The following SIMC1 variants were observed in gnomAD, a reference collection of about 807,000 sequenced individuals.
The protein encoded by SIMC1 is SUMO interacting motifs containing 1, also known as SUMO-interacting motif-containing protein 1.
Under a neutral mutation model 82.3 loss-of-function variants are expected in SIMC1, and 55 were observed. The observed-to-expected ratio is 0.67, with a 90% CI of 0.54 to 0.84. The LOEUF is 0.84. SIMC1 is among the 40% of genes least tolerant of loss of function. The probability of loss-of-function intolerance (pLI) is 0.00; values close to 1 mark genes in which losing one functional copy is unlikely to be tolerated. For missense variants in SIMC1, 915 were observed against 1,107.2 expected, an observed-to-expected ratio of 0.83 and a Z score of 2.46; for synonymous variants, 353 against 426.3, an observed-to-expected ratio of 0.83 and a Z score of 2.12.
chr5:176,310,121 T>C (rs1011932781), intron 4 of SIMC1, among the ~76,000 whole-genome samples: 1 of 152,202 alleles, frequency 6.6e-6, no homozygotes, highest in Non-Finnish European at 1.5e-5. Flanking sequence ...GACTTACTTA[T>C]CTGAATGGCT....
At chr5:176,326,364 T>C (rs1765392314) in intron 7 of SIMC1, among the ~76,000 whole-genome samples, 3 of 152,048 alleles carry the variant, frequency 2.0e-5, no homozygotes, top group Admixed American at 2.0e-4. Flanking sequence ...GTCACATTAA[T>C]TATCTCATTT....
At chr5:176,323,287 T>TACAG (rs1280161686) in intron 6 of SIMC1, among the ~76,000 whole-genome samples, 4 of 152,146 alleles carry the variant, frequency 2.6e-5, no homozygotes, top group African/African-American at 9.7e-5. Flanking sequence ...ACGGGCCACA[T>TACAG]ACAGACCCAA....
At chr5:176,303,466 C>T (rs536401692) in intron 4 of SIMC1, among the ~76,000 whole-genome samples, 91 of 152,050 alleles carry the variant, frequency 6.0e-4, no homozygotes, top group African/African-American at 2.2e-3. Flanking sequence ...GTATTACAGG[C>T]ATGCGCCACC....
At chr5:176,261,592 C>T (rs1246907392) in intron 1 of SIMC1, among the ~76,000 whole-genome samples, 1 of 151,620 alleles carries the variant, frequency 6.6e-6, no homozygotes. Flanking sequence ...ACTAAAAATA[C>T]AAAAAATTAG....
At chr5:176,284,053 T>G (rs931963472) in intron 1 of SIMC1, among the ~76,000 whole-genome samples, 1 of 152,148 alleles carries the variant, frequency 6.6e-6, no homozygotes, top group African/African-American at 2.4e-5. Flanking sequence ...CAAAGAGACT[T>G]AGACTCCCAC....
Position 176,290,692 on chromosome 5 carries a change from C to T in SIMC1, c.1168C>T (p.Leu390=), listed in dbSNP as rs752233825. 6.2e-7 allele frequency: 1 copy of T among 1,610,364 alleles called. No individual in the cohort carries two copies. The highest frequency in any genetic ancestry group is 1.7e-5 in the Admixed American group (1 of 59,766). ...NRDMPMDISA[L]SSPSCSPSPQ... Reference sequence around the variant, plus strand: ...TGACATGCCTATGGATATCTCAGCTCTGTCCTCTCCAAGCTGCTCTCCCAG... The same window carrying T: ...TGACATGCCTATGGATATCTCAGCTTTGTCCTCTCCAAGCTGCTCTCCCAG... The change falls in exon 2 of 10, where the codon CTG becomes TTG. Residue 390 remains leucine, a synonymous_variant. Coordinates refer to ENST00000429602, the MANE Select transcript of SIMC1 (RefSeq NM_001308195.2).
At chr5:176,296,194 C>A in intron 3 of SIMC1, 57 bp from the exon 4 acceptor site, 1 of 1,596,830 alleles carries the variant, frequency 6.3e-7, no homozygotes. Flanking sequence ...CCTTCAGATC[C>A]TATCCCTTCT....
rs1179550794 is a variant in SIMC1, at chr5:176,248,189, T to A, written c.129+9552T>A. ...GGGGATAGCATTGAATCTATAAATT[T>A]CTTTGGGCAGTATGGCCATTTTCAT... On this transcript the variant is annotated intron_variant, in intron 1 of 9. Transcript: ENST00000429602. Among the ~76,000 whole-genome samples the A allele has an allele frequency of 2.6e-5, 4 of 152,186 alleles. No homozygotes were observed. The South Asian group carries it at 6.2e-4, about 24-fold the overall frequency.
At chr5:176,325,594 G>A (rs192621061) in intron 7 of SIMC1, among the ~76,000 whole-genome samples, 189 of 151,386 alleles carry the variant, frequency 1.2e-3, no homozygotes, top group African/African-American at 4.5e-3. Flanking sequence ...GCTGAGGCAG[G>A]AGAATGGTGT....
At chr5:176,243,061 A>C (rs992187598) in intron 1 of SIMC1, among the ~76,000 whole-genome samples, 2 of 151,958 alleles carry the variant, frequency 1.3e-5, no homozygotes, top group African/African-American at 4.8e-5. Flanking sequence ...ATATGCTGTA[A>C]CCCTGGGGAC....
chr5:176,294,435 C>T lies in SIMC1; in HGVS notation c.1432-595C>T, dbSNP rs375603533. Among the ~76,000 whole-genome samples the T allele has an allele frequency of 5.1e-4, 77 of 152,176 alleles. No homozygotes were observed. The South Asian group carries it at 7.9e-3, about 16-fold the overall frequency. On this transcript the variant is annotated intron_variant, in intron 2 of 9. Transcript: ENST00000429602. ...CTGGGACTACAGTTGCGTGCCACCA[C>T]GTCTGGCTAATTTTTATATTTTTAG...
At chr5:176,274,356 G>A (rs1406108332) in intron 1 of SIMC1, among the ~76,000 whole-genome samples, 1 of 150,412 alleles carries the variant, frequency 6.6e-6, no homozygotes, top group Non-Finnish European at 1.5e-5. Context: ...GGGGTTGTTT[G>A]TTTTTTTCTT....
chr5:176,319,503 A>G (rs1765065116), intron 5 of SIMC1, among the ~76,000 whole-genome samples: 1 of 152,078 alleles, frequency 6.6e-6, no homozygotes, highest in Non-Finnish European at 1.5e-5. Context: ...TCCAGCCTGG[A>G]CAACGGAGCA....
intron 5 of SIMC1, among the ~76,000 whole-genome samples, chr5:176,317,203 CTT>C (rs1764952653): frequency 6.6e-6 from 1 of 152,132 alleles, no homozygotes; most frequent in Non-Finnish European, 1.5e-5. Context: ...TCAAACAAAA[CTT>C]TGACAATTTA....
At chr5:176,259,583 G>A (rs1170385062) in intron 1 of SIMC1, among the ~76,000 whole-genome samples, 2 of 152,240 alleles carry the variant, frequency 1.3e-5, no homozygotes, top group Admixed American at 1.3e-4. Context: ...GACCAGCCTG[G>A]CCAACATGGC....
At position 176,274,823 on chromosome 5, in the gene SIMC1, C is replaced by T. The variant is rs543837505; in HGVS notation, c.130-14831C>T. Among the ~76,000 whole-genome samples, 122 of 151,032 alleles carry T rather than the reference C, an allele frequency of 8.1e-4. 2 individuals carry two copies. The highest frequency in any genetic ancestry group is 2.3e-3 in the African/African-American group (94 of 41,384). ...CAAAGATCAGATGGTTGTAGATAGG[C>T]GGCATTATTTCTCTCTCTGTTTTGG... On this transcript the variant is annotated intron_variant, in intron 1 of 9. Transcript: ENST00000429602.
At chr5:176,302,914 T>C (rs1388266792) in intron 4 of SIMC1, among the ~76,000 whole-genome samples, 1 of 152,166 alleles carries the variant, frequency 6.6e-6, no homozygotes, top group Non-Finnish European at 1.5e-5. Context: ...CACCAATAAA[T>C]GGTAAGGCTT....
intron 1 of SIMC1, among the ~76,000 whole-genome samples, chr5:176,288,831 A>G (rs940742994): frequency 2.0e-5 from 3 of 152,222 alleles, no homozygotes; most frequent in Admixed American, 6.5e-5. Flanking sequence ...GACAGAAGGT[A>G]GAGCAATATT....
intron 1 of SIMC1, among the ~76,000 whole-genome samples, chr5:176,241,607 C>G (rs563710639): frequency 1.5e-4 from 23 of 151,894 alleles, no homozygotes; most frequent in Non-Finnish European, 3.2e-4. Flanking sequence ...TGCTAACCCC[C>G]CCGTGCAGTT....
Sources: gnomAD v4.1 joint callset for allele counts (sites outside exome capture counted in the v4.1 genomes callset) on GRCh38, gnomAD v4.1.1 for gene constraint, MANE v1.5 for transcripts, NCBI Gene and HGNC (gene_info 2026-07-23, HGNC 2026-07-21) for gene names.